The following COL4A1 variants were observed in gnomAD, a reference collection of about 807,000 sequenced individuals.
COL4A1 encodes collagen type IV alpha 1 chain.
COL4A1 carries 40 observed loss-of-function variants against 216.6 expected under a neutral mutation model. The ratio of observed to expected loss-of-function variants is 0.18; its 90% CI spans 0.14 to 0.24. The LOEUF (loss-of-function observed/expected upper bound fraction) is 0.24, where lower values mean the gene tolerates loss of function less well. Ranked by LOEUF, COL4A1 falls within the 10% of genes least tolerant of loss-of-function variation. The probability of loss-of-function intolerance (pLI) is 1.00; values close to 1 mark genes in which losing one functional copy is unlikely to be tolerated. For synonymous variants in COL4A1, 839 were observed against 810.7 expected (o/e 1.03, Z -0.59); for missense variants, 1,628 against 2,196.8 (o/e 0.74, Z 5.18).
In COL4A1 at chr13:110,174,529, A is replaced by G. The variant is rs1877788849; in HGVS notation, c.3326-3T>C. 1 of 1,613,988 alleles carries G rather than the reference A, an allele frequency of 6.2e-7. No individual in the cohort carries two copies. The highest frequency in any genetic ancestry group is 1.3e-5 in the African/African-American group (1 of 74,906). On this transcript the variant is annotated splice_polypyrimidine_tract_variant and splice_region_variant and intron_variant, in intron 38 of 51. Transcript: ENST00000375820. ...TTCTCCAGGTAGCCCAGGACTTCCTAAAGAAAAAAACAAAACACCAGAACA... is the reference window on the plus strand; with the variant it reads ...TTCTCCAGGTAGCCCAGGACTTCCTGAAGAAAAAAACAAAACACCAGAACA...
intron 12 of COL4A1, 21 bp downstream of exon 12, chr13:110,208,828 T>C: frequency 1.2e-6 from 2 of 1,613,926 alleles, no homozygotes; most frequent in Non-Finnish European, 1.7e-6. Flanking sequence ...ATGAAAGCAC[T>C]CCAGAGCAAT....
intron 1 of COL4A1, 134 bp downstream of exon 1, chr13:110,306,810 C>T (rs1243833656): frequency 2.6e-6 from 2 of 758,182 alleles, no homozygotes; most frequent in African/African-American, 1.9e-5. Context: ...AACCCCGGCC[C>T]AGAGAATGCA....
chr13:110,195,038 C>T lies in COL4A1; in HGVS notation c.1366G>A (p.Glu456Lys), dbSNP rs570739274. The T allele has an allele frequency of 1.7e-5, 28 of 1,614,078 alleles. No homozygotes were observed. Among genetic ancestry groups the T allele is most frequent in the Admixed American group, 1.0e-4 (6 of 60,028 alleles). Residue 456 changes from glutamate (E) to lysine (K), a missense_variant, in exon 22 of 52, where the codon GAA (glutamate) becomes AAA (lysine). Physicochemically the swap from Glu to Lys is moderately conservative, Grantham distance 56 (BLOSUM62 1). Around this residue, in one of 8 missense-constraint regions of COL4A1, gnomAD observed 701 missense variants for 892.5 expected, o/e 0.79. Coordinates refer to ENST00000375820, the MANE Select transcript of COL4A1 (RefSeq NM_001845.6). The stretch of plus-strand genomic sequence containing the variant: ...AATTTCTTACCTTTCTCTCCAATTT[C>T]GCCTATAAATCCTGGCTGCCCTGGA... ...GIPGQPGFIG[E>K]IGEKGQKGES...
At position 110,198,176 on chromosome 13, in the gene COL4A1, T is replaced by C. The variant is rs10492498; in HGVS notation, c.1285+291A>G. Among the ~76,000 whole-genome samples, 44,565 of 151,242 alleles carry C rather than the reference T, an allele frequency of 0.29. 6,797 individuals carry two copies. The highest frequency in any genetic ancestry group is 0.34 in the African/African-American group (14,007 of 41,216). ...GAATGCATTCTGTTTTCAATAAAAATTACATAACTCAACAGTTTTGCTTTT... is the reference window on the plus strand; with the variant it reads ...GAATGCATTCTGTTTTCAATAAAAACTACATAACTCAACAGTTTTGCTTTT... On this transcript the variant is annotated intron_variant, in intron 21 of 51. Transcript: ENST00000375820.
chr13:110,207,415 G>A lies in COL4A1; in HGVS notation c.768C>T (p.Thr256=). The A allele has an allele frequency of 1.2e-6, 2 of 1,613,658 alleles. No homozygotes were observed. The highest frequency in any genetic ancestry group is 1.7e-6 in the Non-Finnish European group (2 of 1,179,686). ...AQVQEKGDFA[T]KGEKGQKGEP... is the part of the protein sequence containing the mutation. ...AGCCCACTCATACCTTTTCTCCCTT[G>A]GTGGCGAAGTCTCCTTTTTCTTGAA... Residue 256 remains threonine (T), a synonymous_variant, in exon 13 of 52, where the codon ACC becomes ACT. Coordinates refer to ENST00000375820, the MANE Select transcript of COL4A1 (RefSeq NM_001845.6). This position sits in a 1 kb window ranked among gnomAD's most constrained non-coding sequence, Gnocchi z 4.4.
intron 2 of COL4A1, among the ~76,000 whole-genome samples, chr13:110,236,801 C>A (rs1417153530): frequency 6.6e-6 from 1 of 152,220 alleles, no homozygotes; most frequent in African/African-American, 2.4e-5. Context: ...AAAATGCCTT[C>A]CCCTTAGAGA....
chr13:110,209,682 C>T (rs1879686544), intron 10 of COL4A1: 4 of 646,122 alleles, frequency 6.2e-6, no homozygotes, highest in South Asian at 5.5e-5. Flanking sequence ...CATCTTTGAA[C>T]TCACTCCCAC....
At chr13:110,185,746 G>A (rs965250164) in intron 26 of COL4A1, among the ~76,000 whole-genome samples, 6 of 152,200 alleles carry the variant, frequency 3.9e-5, no homozygotes, top group African/African-American at 7.2e-5. Context: ...TAAGCAAGTC[G>A]TGGGAGAGGA....
chr13:110,221,421 GTCT>G (rs1167889432), intron 2 of COL4A1, among the ~76,000 whole-genome samples: 3 of 152,132 alleles, frequency 2.0e-5, no homozygotes, highest in Non-Finnish European at 2.9e-5. Context: ...CCTCAGTATG[GTCT>G]TCTTATAAAC....
In COL4A1 at chr13:110,279,732, T is replaced by A. The variant is rs11616649; in HGVS notation, c.84+27212A>T. ...CCCCAAGACTTCATATTTTAAGTTT[T>A]GCTGTTGTTGTTCAACTTTCTAACC... On this transcript the variant is annotated intron_variant, in intron 1 of 51. Coordinates refer to ENST00000375820, the MANE Select transcript of COL4A1 (RefSeq NM_001845.6). 3.4e-3 allele frequency among the ~76,000 whole-genome samples: 521 copies of A among 152,350 alleles called. 2 individuals are homozygous for A. Among genetic ancestry groups the A allele is most frequent in the Non-Finnish European group, 4.2e-3 (283 of 68,034 alleles).
chr13:110,167,680 GA>G lies in COL4A1; in HGVS notation c.3877-451del, dbSNP rs573866004. On this transcript the variant is annotated intron_variant, in intron 43 of 51. Transcript: ENST00000375820. ...TTAGAATTAGTTTCATGTCTTATCTGAAAACTGATTTTAAATATGCAAAGAA... is the reference window on the plus strand; with the variant it reads ...TTAGAATTAGTTTCATGTCTTATCTGAAACTGATTTTAAATATGCAAAGAA... Among the ~76,000 whole-genome samples the G allele has an allele frequency of 4.0e-4, 61 of 152,282 alleles. No homozygotes were observed. In the South Asian group the frequency reaches 0.012, roughly 31 times the overall value.
intron 36 of COL4A1, 79 bp from the exon 37 acceptor site, chr13:110,175,436 A>G (rs1877839418): frequency 6.3e-7 from 1 of 1,586,488 alleles, no homozygotes; most frequent in African/African-American, 1.3e-5. Flanking sequence ...CTCCACAGCC[A>G]GCCAAGAATG....
At chr13:110,189,677 T>C (rs1487656434) in intron 24 of COL4A1, among the ~76,000 whole-genome samples, 2 of 152,180 alleles carry the variant, frequency 1.3e-5, no homozygotes, top group Non-Finnish European at 2.9e-5. Context: ...TGTTTTGGGA[T>C]TTTTAAACTG....
Position 110,267,337 on chromosome 13 carries a change from G to A in COL4A1, c.85-24603C>T, listed in dbSNP as rs150963636. On this transcript the variant is annotated intron_variant, in intron 1 of 51. Transcript: ENST00000375820. ...CCAAGAAGGACAGAGGGAGAACGGCGGAAAGGATGCCCAACTCAAGCTCAC... is the reference window on the plus strand; with the variant it reads ...CCAAGAAGGACAGAGGGAGAACGGCAGAAAGGATGCCCAACTCAAGCTCAC... Among the ~76,000 whole-genome samples the A allele has an allele frequency of 1.9e-3, 295 of 152,274 alleles. 2 individuals carry two copies. Among genetic ancestry groups the A allele is most frequent in the African/African-American group, 6.4e-3 (266 of 41,550 alleles).
intron 1 of COL4A1, among the ~76,000 whole-genome samples, chr13:110,285,878 T>C (rs1431811113): frequency 2.0e-5 from 3 of 152,148 alleles, no homozygotes; most frequent in African/African-American, 7.2e-5. Flanking sequence ...TATATCTCTA[T>C]AAACTATCTG....
chr13:110,174,432 A>G lies in COL4A1; in HGVS notation c.3406+14T>C. On this transcript the variant is annotated intron_variant, in intron 39 of 51. Transcript: ENST00000375820. ...TCTATGTGCCCGGGCTGTGTCCCAA[A>G]GAGGGCCCTCTACCTGCTTCTCCTT... 6.2e-7 allele frequency: 1 copy of G among 1,613,272 alleles called. No homozygotes were observed. The highest frequency in any genetic ancestry group is 8.5e-7 in the Non-Finnish European group (1 of 1,179,962).
At chr13:110,238,239 G>T (rs148430863) in intron 2 of COL4A1, among the ~76,000 whole-genome samples, 1 of 152,340 alleles carries the variant, frequency 6.6e-6, no homozygotes, top group Non-Finnish European at 1.5e-5. Flanking sequence ...TATCCACACA[G>T]TTGTCACTAC....
At chr13:110,168,413 T>A (rs1167006181) in intron 43 of COL4A1, among the ~76,000 whole-genome samples, 1 of 152,226 alleles carries the variant, frequency 6.6e-6, no homozygotes, top group African/African-American at 2.4e-5. Context: ...AACTGCAATA[T>A]AGCAATAGGG....
At chr13:110,233,548 G>A (rs1881165785) in intron 2 of COL4A1, among the ~76,000 whole-genome samples, 1 of 152,136 alleles carries the variant, frequency 6.6e-6, no homozygotes, top group African/African-American at 2.4e-5. Context: ...CTGGCCGATG[G>A]GAGGGAGGAG....
Sources: allele counts gnomAD v4.1 joint callset (sites outside exome capture counted in the v4.1 genomes callset), GRCh38; gene constraint gnomAD v4.1.1; regional missense constraint gnomAD v4.1.1; non-coding constraint Gnocchi (gnomAD v3.1); transcripts MANE v1.5; gene names NCBI Gene and HGNC (gene_info 2026-07-23, HGNC 2026-07-21).